The following ARIH2 variants were observed in gnomAD, a reference collection of about 807,000 sequenced individuals.
ARIH2 encodes ariadne RBR E3 ubiquitin protein ligase 2, also known as E3 ubiquitin-protein ligase ARIH2.
ARIH2 carries 12 observed loss-of-function variants against 79.8 expected under a neutral mutation model. The observed-to-expected ratio is 0.15, with a 90% CI of 0.10 to 0.24. The LOEUF (loss-of-function observed/expected upper bound fraction) is 0.24, where lower values mean the gene tolerates loss of function less well. Ranked by LOEUF, ARIH2 falls within the 10% of genes least tolerant of loss-of-function variation. The pLI is 1.00. For synonymous variants in ARIH2, 224 were observed against 213.9 expected (o/e 1.05, Z -0.41); for missense variants, 301 against 618.3 (o/e 0.49, Z 5.44).
intron 3 of ARIH2, among the ~76,000 whole-genome samples, chr3:48,950,189 CT>C (rs1370511879): frequency 6.6e-6 from 1 of 152,096 alleles, no homozygotes; most frequent in African/African-American, 2.4e-5. Flanking sequence ...GTTGAAAAGA[CT>C]TTTTTTCTCC....
chr3:48,975,128 C>T (rs559434577), intron 11 of ARIH2, 149 bp downstream of exon 11: 1 of 1,346,534 alleles, frequency 7.4e-7, no homozygotes, highest in East Asian at 2.3e-5. Context: ...CATAAAGTAG[C>T]TTTTTATTTT....
At chr3:48,919,329 G>T in intron 1 of ARIH2, 1 of 746,086 alleles carries the variant, frequency 1.3e-6, no homozygotes, top group Non-Finnish European at 1.9e-6. Context: ...CACCACTCGA[G>T]TCATCTTTGG....
intron 1 of ARIH2, among the ~76,000 whole-genome samples, chr3:48,919,614 C>T (rs937273544): frequency 1.3e-5 from 2 of 152,234 alleles, no homozygotes; most frequent in Non-Finnish European, 2.9e-5. Context: ...CTACTAGCCA[C>T]ACGTGGCCGT....
At chr3:48,967,085 C>G (rs778224561) in intron 5 of ARIH2, 40 bp from the exon 6 acceptor site, 1 of 1,603,746 alleles carries the variant, frequency 6.2e-7, no homozygotes, top group South Asian at 1.1e-5. Context: ...CCTTCTGGAC[C>G]TGACTCCTCT....
At chr3:48,981,956 G>A (rs2092766438) in intron 14 of ARIH2, among the ~76,000 whole-genome samples, 1 of 152,188 alleles carries the variant, frequency 6.6e-6, no homozygotes, top group African/African-American at 2.4e-5. Context: ...CTGAACAACT[G>A]TATTTAAAGG....
intron 1 of ARIH2, 117 bp downstream of exon 1, chr3:48,919,115 G>T: frequency 1.6e-6 from 2 of 1,284,674 alleles, no homozygotes; most frequent in African/African-American, 1.5e-5. Flanking sequence ...CGGGAGGCCC[G>T]GGCGCTCCCC....
chr3:48,976,178 C>T (rs956725171), intron 11 of ARIH2, among the ~76,000 whole-genome samples: 1 of 146,114 alleles, frequency 6.8e-6, no homozygotes, highest in Admixed American at 6.9e-5. Context: ...TCTTAAAGTG[C>T]TGGGATTATA....
chr3:48,982,842 C>T, intron 14 of ARIH2, 54 bp from the exon 15 acceptor site: 1 of 1,417,714 alleles, frequency 7.1e-7, no homozygotes, highest in Non-Finnish European at 1.0e-6. Flanking sequence ...GTGTACAGGC[C>T]CTGCCCCAGC....
At chr3:48,964,318 A>ATT (rs572736862) in intron 4 of ARIH2, among the ~76,000 whole-genome samples, 3 of 136,790 alleles carry the variant, frequency 2.2e-5, no homozygotes, top group South Asian at 2.3e-4. Context: ...TATATATAGA[A>ATT]TTTTTTTTTT....
intron 13 of ARIH2, 51 bp from the exon 14 acceptor site, chr3:48,981,609 A>C: frequency 6.7e-7 from 1 of 1,500,186 alleles, no homozygotes; most frequent in Non-Finnish European, 9.2e-7. Flanking sequence ...CCTGAGATGC[A>C]GGTAGCTTAG....
chr3:48,961,608 C>A lies in ARIH2; in HGVS notation c.256-4C>A. The A allele has an allele frequency of 6.3e-7, 1 of 1,578,926 alleles. No individual in the cohort carries two copies. Among genetic ancestry groups the A allele is most frequent in the South Asian group, 1.1e-5 (1 of 90,254 alleles). ...ATTCGATTTTTTTTCTTTCTTCTTT[C>A]TAGGTATCTCATTCAGTTGCTAAAC... On this transcript the variant is annotated splice_region_variant and splice_polypyrimidine_tract_variant and intron_variant, in intron 3 of 15. Coordinates refer to ENST00000356401, the MANE Select transcript of ARIH2 (RefSeq NM_006321.4).
intron 13 of ARIH2, 105 bp downstream of exon 13, chr3:48,980,601 C>T: frequency 7.6e-7 from 1 of 1,315,048 alleles, no homozygotes; most frequent in Non-Finnish European, 1.0e-6. Flanking sequence ...TTTTAGCACC[C>T]TGTGCAGCCT....
intron 12 of ARIH2, 189 bp from the exon 13 acceptor site, chr3:48,980,164 G>C: frequency 1.9e-6 from 1 of 533,674 alleles, no homozygotes. Context: ...CGATCTGGCA[G>C]TAAGCATACA....
At chr3:48,947,457 AG>A (rs397989522) in intron 3 of ARIH2, among the ~76,000 whole-genome samples, 1 of 149,948 alleles carries the variant, frequency 6.7e-6, no homozygotes, top group African/African-American at 2.4e-5. Context: ...AAAAAAAAAA[AG>A]GAAAAAAAAA....
At chr3:48,979,887 C>A in intron 12 of ARIH2, 3 of 378,994 alleles carry the variant, frequency 7.9e-6, no homozygotes, top group Non-Finnish European at 9.4e-6. Flanking sequence ...GAAGGGCCAT[C>A]AGACAGTCTT....
At chr3:48,942,665 T>A (rs1301061162) in intron 3 of ARIH2, among the ~76,000 whole-genome samples, 1 of 149,184 alleles carries the variant, frequency 6.7e-6, no homozygotes, top group African/African-American at 2.5e-5. Context: ...TTTTTTTTTT[T>A]TTTGAGATGG....
At chr3:48,969,234 T>TC (rs2092018430) in intron 7 of ARIH2, among the ~76,000 whole-genome samples, 1 of 149,854 alleles carries the variant, frequency 6.7e-6, no homozygotes, top group East Asian at 2.0e-4. Flanking sequence ...TAGACAGACC[T>TC]CCCCACCTTA....
In ARIH2 at chr3:48,967,256, C is replaced by G; in HGVS notation, c.519C>G (p.Val173=). The change falls in exon 6 of 16, where the codon GTC becomes GTG. Residue 173 remains valine (V), a synonymous_variant. Coordinates refer to ENST00000356401, the MANE Select transcript of ARIH2 (RefSeq NM_006321.4). Reference sequence around the variant, plus strand: ...GGGAGCAGCACTGCTCAGTTCTCGTCAAGGACGGCGTGGGCGTGGGTGAGT... The same window carrying G: ...GGGAGCAGCACTGCTCAGTTCTCGTGAAGGACGGCGTGGGCGTGGGTGAGT... ...SCWEQHCSVL[V]KDGVGVGVSC... The G allele has an allele frequency of 6.2e-7, 1 of 1,614,156 alleles. No homozygotes were observed. Among genetic ancestry groups the G allele is most frequent in the Non-Finnish European group, 8.5e-7 (1 of 1,180,018 alleles).
At chr3:48,959,994 A>G (rs1453710724) in intron 3 of ARIH2, among the ~76,000 whole-genome samples, 1 of 152,186 alleles carries the variant, frequency 6.6e-6, no homozygotes, top group Non-Finnish European at 1.5e-5. Context: ...GGCACATACT[A>G]CCTTACAGGT....
Sources: gnomAD v4.1 joint callset for allele counts (sites outside exome capture counted in the v4.1 genomes callset) on GRCh38, gnomAD v4.1.1 for gene constraint, MANE v1.5 for transcripts, NCBI Gene and HGNC (gene_info 2026-07-23, HGNC 2026-07-21) for gene names.